RCAN1: variants seen among roughly 807,000 people sequenced by gnomAD.
RCAN1 encodes the protein regulator of calcineurin 1, also known as calcipressin-1.
Under a neutral mutation model 22.9 loss-of-function variants are expected in RCAN1, and 11 were observed. The observed-to-expected ratio is 0.48, with a 90% confidence interval of 0.30 to 0.79. RCAN1 has a LOEUF of 0.79. Among genes scored for constraint, RCAN1 ranks in the 30% least tolerant of loss-of-function variants. The probability of loss-of-function intolerance (pLI) is 0.06; values close to 1 mark genes in which losing one functional copy is unlikely to be tolerated. For synonymous variants in RCAN1, 136 were observed against 142.3 expected, an observed-to-expected ratio of 0.96 and a Z score of 0.32; for missense variants, 291 against 337.8, an observed-to-expected ratio of 0.86 and a Z score of 1.09.
At chr21:34,560,129 A>G (rs1986734545) in intron 1 of RCAN1, 1 of 152,216 alleles carries the variant, frequency 6.6e-6, no homozygotes, top group South Asian at 2.1e-4. Flanking sequence ...TGACCACTCT[A>G]ACACAAATCC....
chr21:34,563,786 T>TAGAGAGAG (rs1412162405), intron 1 of RCAN1, among the ~76,000 whole-genome samples: 65 of 100,812 alleles, frequency 6.4e-4, no homozygotes, highest in Non-Finnish European at 1.0e-3. Context: ...TATATATATA[T>TAGAGAGAG]ATATATATAG....
chr21:34,575,610 C>T (rs1024985706), intron 1 of RCAN1, among the ~76,000 whole-genome samples: 3 of 152,160 alleles, frequency 2.0e-5, no homozygotes, highest in Non-Finnish European at 2.9e-5. Flanking sequence ...GCAGCCTCAA[C>T]CTCCCGGGCT....
At chr21:34,528,955 GA>G (rs66502672) in intron 1 of RCAN1, among the ~76,000 whole-genome samples, 52,464 of 144,844 alleles carry the variant, frequency 0.36, 9,452 homozygotes, top group Non-Finnish European at 0.39. Flanking sequence ...TATATGGATG[GA>G]AAAAAAAAAA....
intron 1 of RCAN1, among the ~76,000 whole-genome samples, chr21:34,606,160 C>G (rs1023713320): frequency 6.6e-5 from 10 of 152,048 alleles, no homozygotes; most frequent in Admixed American, 6.6e-4. Context: ...GAAAGGGGCC[C>G]CAGATGGGAG....
intron 3 of RCAN1, among the ~76,000 whole-genome samples, chr21:34,519,038 C>G (rs979337572): frequency 1.3e-5 from 2 of 152,188 alleles, no homozygotes; most frequent in African/African-American, 4.8e-5. Flanking sequence ...CTGAGCCTGG[C>G]TCCTTAGTAC....
At chr21:34,535,662 T>C (rs1985634264) in intron 1 of RCAN1, among the ~76,000 whole-genome samples, 1 of 152,164 alleles carries the variant, frequency 6.6e-6, no homozygotes, top group Non-Finnish European at 1.5e-5. Context: ...TTTTGATACT[T>C]TGCCTGAATT....
intron 1 of RCAN1, among the ~76,000 whole-genome samples, chr21:34,591,187 T>C (rs1351544819): frequency 6.6e-6 from 1 of 152,184 alleles, no homozygotes; most frequent in African/African-American, 2.4e-5. Context: ...TAGGAGCTGA[T>C]AATGTAGCCG....
At chr21:34,524,998 C>A in intron 1 of RCAN1, 2 of 1,516,206 alleles carry the variant, frequency 1.3e-6, no homozygotes, top group South Asian at 1.3e-5. Context: ...TTTGTGGGAG[C>A]CCGTGTGAAA....
At chr21:34,606,922 T>C (rs961978668) in intron 1 of RCAN1, among the ~76,000 whole-genome samples, 43 of 152,236 alleles carry the variant, frequency 2.8e-4, no homozygotes, top group Non-Finnish European at 3.8e-4. Context: ...TCTGTGTTTT[T>C]TGTTATGGCA....
intron 1 of RCAN1, among the ~76,000 whole-genome samples, chr21:34,604,770 C>T (rs565533707): frequency 6.6e-6 from 1 of 152,328 alleles, no homozygotes; most frequent in African/African-American, 2.4e-5. Flanking sequence ...GAGCTGTGCC[C>T]TCCTTACACT....
intron 1 of RCAN1, among the ~76,000 whole-genome samples, chr21:34,540,571 A>C (rs1985868882): frequency 6.6e-6 from 1 of 152,220 alleles, no homozygotes; most frequent in African/African-American, 2.4e-5. Context: ...GGGTAGACCA[A>C]GCCAGAGACC....
intron 2 of RCAN1, chr21:34,522,308 C>T (rs1984631569): frequency 6.6e-6 from 1 of 152,184 alleles, no homozygotes; most frequent in East Asian, 1.9e-4. Context: ...GTCCATAGAG[C>T]TCTTACATCT....
Position 34,614,157 on chromosome 21 carries a change from C to A in RCAN1, c.252+603G>T, listed in dbSNP as rs1988755864. ...CCGATGGCGGCAAGCCACACCTTCA[C>A]ACAAGGGGGCAAGGTTCTTGACTAA... On this transcript the variant is annotated intron_variant, in intron 1 of 3. Coordinates refer to ENST00000313806, the MANE Select transcript of RCAN1 (RefSeq NM_004414.7). The surrounding 1 kb of genome is among the most constrained non-coding windows in gnomAD (Gnocchi z 6.0). 3 of 882,370 alleles carry A rather than the reference C, an allele frequency of 3.4e-6. No homozygotes were observed. The highest frequency in any genetic ancestry group is 4.2e-6 in the Non-Finnish European group (3 of 713,684). 54.7% of individuals were successfully genotyped at this position (882,370 alleles called of 1,614,324 possible).
At chr21:34,525,399 G>T in intron 1 of RCAN1, 1 of 1,440,322 alleles carries the variant, frequency 6.9e-7, no homozygotes. Flanking sequence ...CGGAGCTGGC[G>T]GACGGTAGAG....
intron 1 of RCAN1, among the ~76,000 whole-genome samples, chr21:34,537,983 C>A (rs2834510): frequency 6.6e-6 from 1 of 152,068 alleles, no homozygotes; most frequent in East Asian, 1.9e-4. Flanking sequence ...ATGGTTATAG[C>A]GACGATCTTG....
chr21:34,614,984 G>A lies in RCAN1; in HGVS notation c.28C>T (p.Leu10Phe), dbSNP rs908132986. The change falls in exon 1 of 4, where the codon CTC becomes TTC. Residue 10 changes from leucine (L) to phenylalanine (F), a missense_variant. Coordinates refer to ENST00000313806, the MANE Select transcript of RCAN1 (RefSeq NM_004414.7). The surrounding 1 kb of genome is among the most constrained non-coding windows in gnomAD (Gnocchi z 6.0). Reference protein sequence around the residue: MEDGVAGPQLGAAAEAAEAA... With the variant: MEDGVAGPQFGAAAEAAEAA... Reference sequence around the variant, plus strand: ...TCCGCCGCCTCCGCCGCGGCCCCGAGCTGGGGACCGGCCACGCCGTCCTCC... The same window carrying A: ...TCCGCCGCCTCCGCCGCGGCCCCGAACTGGGGACCGGCCACGCCGTCCTCC... The A allele has an allele frequency of 2.9e-5, 32 of 1,113,056 alleles. No homozygotes were observed. The highest frequency in any genetic ancestry group is 3.8e-4 in the Middle Eastern group (1 of 2,610). 68.9% of individuals were successfully genotyped at this position (1,113,056 alleles called of 1,614,324 possible). A position where few individuals can be genotyped will look rare whatever the true frequency, so the allele number is the denominator to read the frequency against.
chr21:34,596,109 G>A (rs1363153811), intron 1 of RCAN1, among the ~76,000 whole-genome samples: 1 of 152,144 alleles, frequency 6.6e-6, no homozygotes, highest in African/African-American at 2.4e-5. Context: ...CCCCATCCCC[G>A]GAGCCCTGTG....
intron 1 of RCAN1, among the ~76,000 whole-genome samples, chr21:34,533,327 C>G (rs1985514605): frequency 6.6e-6 from 1 of 152,234 alleles, no homozygotes; most frequent in African/African-American, 2.4e-5. Flanking sequence ...ACTCCATTCT[C>G]ACTCTGCCTG....
At chr21:34,537,415 T>G (rs151274447) in intron 1 of RCAN1, among the ~76,000 whole-genome samples, 2 of 152,194 alleles carry the variant, frequency 1.3e-5, no homozygotes, top group Non-Finnish European at 2.9e-5. Context: ...ATTGAAAAAT[T>G]GGGAGGTGTC....
Sources: allele counts gnomAD v4.1 joint callset (sites outside exome capture counted in the v4.1 genomes callset), GRCh38; gene constraint gnomAD v4.1.1; non-coding constraint Gnocchi (gnomAD v3.1); transcripts MANE v1.5; gene names NCBI Gene and HGNC (gene_info 2026-07-23, HGNC 2026-07-21).